The following SGCZ variants were observed in gnomAD, a reference collection of about 807,000 sequenced individuals.
SGCZ encodes zeta-sarcoglycan.
SGCZ carries 40 observed loss-of-function variants against 41.3 expected under a neutral mutation model. The ratio of observed to expected loss-of-function variants is 0.97; its 90% CI spans 0.75 to 1.26. SGCZ has a LOEUF of 1.26. SGCZ is among the 50% of genes most tolerant of loss of function. The probability of loss-of-function intolerance (pLI) is 0.00; values close to 1 mark genes in which losing one functional copy is unlikely to be tolerated. For synonymous variants in SGCZ, 206 were observed against 137.5 expected (o/e 1.50, Z -3.49); for missense variants, 552 against 369.8 (o/e 1.49, Z -4.04).
At position 14,809,273 on chromosome 8, in the gene SGCZ, C is replaced by G. The variant is rs573758302; in HGVS notation, c.40-254347G>C. 3.3e-5 allele frequency among the ~76,000 whole-genome samples: 5 copies of G among 151,850 alleles called. No individual in the cohort carries two copies. The South Asian group carries it at 8.3e-4, about 25-fold the overall frequency. On this transcript the variant is annotated intron_variant, in intron 1 of 7. Coordinates refer to ENST00000382080, the MANE Select transcript of SGCZ (RefSeq NM_139167.4). ...AAAAAAATAAAAATAAATAAAAGAG[C>G]AAACTGTTTCAAAGGAGAAATGTGT...
chr8:14,939,070 A>C (rs1800179897), intron 1 of SGCZ, among the ~76,000 whole-genome samples: 1 of 152,156 alleles, frequency 6.6e-6, no homozygotes. Context: ...CTCACTTAGC[A>C]AACTCATTAA....
intron 1 of SGCZ, among the ~76,000 whole-genome samples, chr8:14,652,101 G>A (rs189868502): frequency 3.0e-4 from 46 of 151,814 alleles, no homozygotes; most frequent in African/African-American, 9.4e-4. Context: ...TCAATGAGAC[G>A]GATAGATGAA....
intron 2 of SGCZ, among the ~76,000 whole-genome samples, chr8:14,430,410 T>C (rs1799911518): frequency 6.6e-6 from 1 of 152,050 alleles, no homozygotes; most frequent in South Asian, 2.1e-4. Flanking sequence ...TCAATAAATG[T>C]AATACACCAC....
intron 2 of SGCZ, among the ~76,000 whole-genome samples, chr8:14,485,641 C>A (rs953985617): frequency 5.9e-5 from 9 of 152,056 alleles, no homozygotes; most frequent in African/African-American, 1.9e-4. Flanking sequence ...GTACATGAGA[C>A]ATGCGTGAGG....
chr8:14,712,639 C>A (rs1809557494), intron 1 of SGCZ, among the ~76,000 whole-genome samples: 1 of 152,156 alleles, frequency 6.6e-6, no homozygotes, highest in Non-Finnish European at 1.5e-5. Context: ...TGGATTCCAG[C>A]CTCAACACAC....
chr8:14,545,162 A>G (rs1803586460), intron 2 of SGCZ, among the ~76,000 whole-genome samples: 1 of 152,148 alleles, frequency 6.6e-6, no homozygotes. Flanking sequence ...TATTGGGGGC[A>G]TGTCCCCCAA....
At chr8:14,363,263 T>C (rs1803591436) in intron 2 of SGCZ, among the ~76,000 whole-genome samples, 1 of 152,204 alleles carries the variant, frequency 6.6e-6, no homozygotes, top group South Asian at 2.1e-4. Flanking sequence ...TGTCATTCCT[T>C]ATTCACTGGC....
At chr8:14,619,405 C>G (rs2202986) in intron 1 of SGCZ, among the ~76,000 whole-genome samples, 92,674 of 151,856 alleles carry the variant, frequency 0.61, 28,444 homozygotes, top group East Asian at 0.7. Context: ...TCTCTCACCA[C>G]TCCTATTCAA....
intron 1 of SGCZ, among the ~76,000 whole-genome samples, chr8:15,167,669 T>C (rs1799705694): frequency 1.6e-5 from 1 of 60,644 alleles, no homozygotes; most frequent in Non-Finnish European, 4.0e-5. Context: ...CTTTTTATAA[T>C]TTGGGATGTT....
intron 4 of SGCZ, among the ~76,000 whole-genome samples, chr8:14,227,218 T>C (rs1806403029): frequency 6.6e-6 from 1 of 152,098 alleles, no homozygotes; most frequent in African/African-American, 2.4e-5. Context: ...ATAATCTTTG[T>C]AGAAAAATGA....
At chr8:15,002,900 C>G (rs758203106) in intron 1 of SGCZ, among the ~76,000 whole-genome samples, 1 of 152,022 alleles carries the variant, frequency 6.6e-6, no homozygotes. Context: ...GTAATGGAAT[C>G]ATGGGGTTGG....
intron 7 of SGCZ, among the ~76,000 whole-genome samples, chr8:14,096,698 C>A (rs183524621): frequency 6.6e-6 from 1 of 152,108 alleles, no homozygotes; most frequent in Non-Finnish European, 1.5e-5. Context: ...CTTCTTTGTA[C>A]CTCTGGTAGA....
At chr8:14,180,590 A>G (rs2117021679) in intron 4 of SGCZ, among the ~76,000 whole-genome samples, 1 of 152,252 alleles carries the variant, frequency 6.6e-6, no homozygotes, top group Admixed American at 6.5e-5. Flanking sequence ...CCGAATTGCC[A>G]GTACTGTTCC....
At chr8:14,329,314 G>A (rs1363492279) in intron 2 of SGCZ, among the ~76,000 whole-genome samples, 1 of 152,122 alleles carries the variant, frequency 6.6e-6, no homozygotes, top group Non-Finnish European at 1.5e-5. Context: ...TCACAGGGAT[G>A]TTGTATTAAT....
intron 4 of SGCZ, among the ~76,000 whole-genome samples, chr8:14,211,497 G>A (rs1207094254): frequency 6.6e-6 from 1 of 152,122 alleles, no homozygotes; most frequent in Non-Finnish European, 1.5e-5. Context: ...CTGCTGTAAA[G>A]AAACACCTGA....
At chr8:14,180,508 T>C (rs1242722317) in intron 4 of SGCZ, among the ~76,000 whole-genome samples, 1 of 151,938 alleles carries the variant, frequency 6.6e-6, no homozygotes, top group Non-Finnish European at 1.5e-5. Context: ...AAATATAGAC[T>C]GGAAGTCCCA....
At chr8:15,064,265 A>G (rs1190802493) in intron 1 of SGCZ, among the ~76,000 whole-genome samples, 1 of 152,144 alleles carries the variant, frequency 6.6e-6, no homozygotes, top group Non-Finnish European at 1.5e-5. Flanking sequence ...TATGAAGCAG[A>G]ATTCATCACT....
At chr8:14,124,228 G>T (rs1394681878) in intron 5 of SGCZ, among the ~76,000 whole-genome samples, 3 of 152,120 alleles carry the variant, frequency 2.0e-5, no homozygotes, top group Non-Finnish European at 4.4e-5. Flanking sequence ...ATTTTAAAAT[G>T]TAGGCAGTCC....
chr8:14,886,230 T>C lies in SGCZ; in HGVS notation c.40-331304A>G, dbSNP rs756116958. ...CATACTTCATTTCAACAAATATTTA[T>C]TGAGGGCCTTCTATGTATCAGATAT... On this transcript the variant is annotated intron_variant, in intron 1 of 7. Coordinates refer to ENST00000382080, the MANE Select transcript of SGCZ (RefSeq NM_139167.4). Among the ~76,000 whole-genome samples, 19 of 151,686 alleles carry C rather than the reference T, an allele frequency of 1.3e-4. 1 individual carries two copies. Among genetic ancestry groups the C allele is most frequent in the Non-Finnish European group, 2.5e-4 (17 of 67,946 alleles).
Sources: gnomAD v4.1 joint callset for allele counts (sites outside exome capture counted in the v4.1 genomes callset) on GRCh38, gnomAD v4.1.1 for gene constraint, MANE v1.5 for transcripts, NCBI Gene and HGNC (gene_info 2026-07-23, HGNC 2026-07-21) for gene names.